SNX29: variants seen among roughly 807,000 people sequenced by gnomAD.
SNX29 encodes sorting nexin-29.
In SNX29, 78 loss-of-function variants were observed where a neutral mutation model predicts 102.1. That is an observed-to-expected ratio of 0.76 (90% confidence interval 0.64 to 0.92). The LOEUF (loss-of-function observed/expected upper bound fraction) is 0.92. Among genes scored for constraint, SNX29 ranks in the 40% least tolerant of loss-of-function variants. The probability of loss-of-function intolerance (pLI) is 0.00; values close to 1 mark genes in which losing one functional copy is unlikely to be tolerated. For synonymous variants in SNX29, 580 were observed against 414.5 expected, an observed-to-expected ratio of 1.40 and a Z score of -4.85; for missense variants, 1,280 against 1,061.7, an observed-to-expected ratio of 1.21 and a Z score of -2.86.
At chr16:12,171,361 TAG>T (rs2076146000) in intron 13 of SNX29, among the ~76,000 whole-genome samples, 3 of 152,188 alleles carry the variant, frequency 2.0e-5, no homozygotes, top group Non-Finnish European at 4.4e-5. Context: ...CACGCACAGT[TAG>T]TCCCATCTTT....
intron 14 of SNX29, among the ~76,000 whole-genome samples, chr16:12,207,182 A>C (rs2077066126): frequency 1.3e-5 from 2 of 152,110 alleles, no homozygotes; most frequent in African/African-American, 2.4e-5. Context: ...CAGCCAGACC[A>C]ACATGGTGAA....
chr16:12,455,119 G>C (rs1334475743), intron 18 of SNX29, among the ~76,000 whole-genome samples: 1 of 152,190 alleles, frequency 6.6e-6, no homozygotes, highest in Non-Finnish European at 1.5e-5. Flanking sequence ...TAGGAGGCAA[G>C]ATAGCTGGTT....
chr16:12,516,547 CT>C (rs1023635143), intron 19 of SNX29, among the ~76,000 whole-genome samples: 3 of 151,552 alleles, frequency 2.0e-5, no homozygotes, highest in Non-Finnish European at 4.4e-5. Flanking sequence ...TGCTGGAGTC[CT>C]TAGTAGTCTA....
intron 14 of SNX29, among the ~76,000 whole-genome samples, chr16:12,207,177 A>G (rs2077066019): frequency 6.6e-6 from 1 of 152,010 alleles, no homozygotes; most frequent in Non-Finnish European, 1.5e-5. Context: ...AAAACCAGCC[A>G]GACCAACATG....
intron 20 of SNX29, among the ~76,000 whole-genome samples, chr16:12,530,600 G>C (rs2141170919): frequency 1.3e-5 from 2 of 151,694 alleles, no homozygotes; most frequent in Admixed American, 1.3e-4. Flanking sequence ...TTGTCGCCCA[G>C]GCTAGAGTGC....
intron 16 of SNX29, among the ~76,000 whole-genome samples, chr16:12,371,538 G>T (rs951692378): frequency 2.6e-5 from 4 of 152,122 alleles, no homozygotes; most frequent in African/African-American, 9.7e-5. Context: ...GAACTTCTGG[G>T]CTCAAGCAAT....
At chr16:12,345,624 T>C (rs771778023) in intron 15 of SNX29, among the ~76,000 whole-genome samples, 1 of 152,186 alleles carries the variant, frequency 6.6e-6, no homozygotes, top group African/African-American at 2.4e-5. Flanking sequence ...TACTGGGGGA[T>C]GATCTGTGGA....
rs544754265 is a variant in SNX29, at chr16:12,038,407, C to T, written c.248-4490C>T. 3.9e-5 allele frequency among the ~76,000 whole-genome samples: 6 copies of T among 152,306 alleles called. No individual in the cohort carries two copies. The East Asian group carries it at 1.2e-3, about 29-fold the overall frequency. ...TGTTAACAGGTGCCCCGGGGCAGCT[C>T]TTCTCAACACCCCTTCCTGGCACTT... is the stretch of plus-strand genomic sequence containing the variant. On this transcript the variant is annotated intron_variant, in intron 4 of 20. Coordinates refer to ENST00000566228, the MANE Select transcript of SNX29 (RefSeq NM_032167.5).
At chr16:12,077,377 C>T (rs2051627710) in intron 10 of SNX29, among the ~76,000 whole-genome samples, 3 of 146,254 alleles carry the variant, frequency 2.1e-5, no homozygotes, top group Admixed American at 7.0e-5. Flanking sequence ...TACTTTTCCT[C>T]CTAGTCATGG....
At chr16:12,015,729 G>T (rs1176005762) in intron 3 of SNX29, among the ~76,000 whole-genome samples, 1 of 146,624 alleles carries the variant, frequency 6.8e-6, no homozygotes, top group Non-Finnish European at 1.5e-5. Flanking sequence ...TAGAGATAGG[G>T]TTTCACCGTG....
intron 11 of SNX29, among the ~76,000 whole-genome samples, chr16:12,124,958 C>T (rs2054140218): frequency 6.6e-6 from 1 of 152,152 alleles, no homozygotes; most frequent in Non-Finnish European, 1.5e-5. Context: ...GAAATGTGAG[C>T]TGTGGCAGGT....
At chr16:12,350,643 G>A (rs187156611) in intron 15 of SNX29, among the ~76,000 whole-genome samples, 10 of 152,256 alleles carry the variant, frequency 6.6e-5, no homozygotes, top group African/African-American at 1.9e-4. Flanking sequence ...CAACGTCCCC[G>A]TTTTACAAAT....
chr16:12,466,567 G>T (rs9924866), intron 18 of SNX29, among the ~76,000 whole-genome samples: 1 of 152,156 alleles, frequency 6.6e-6, no homozygotes, highest in African/African-American at 2.4e-5. Context: ...TCTTCAGAGC[G>T]TCTTTGAAAG....
intron 11 of SNX29, among the ~76,000 whole-genome samples, chr16:12,082,361 C>G (rs1030657494): frequency 6.6e-6 from 1 of 152,188 alleles, no homozygotes; most frequent in Non-Finnish European, 1.5e-5. Flanking sequence ...CCCAGCATCT[C>G]AGATAAACAC....
chr16:12,111,361 C>T (rs1009670079), intron 11 of SNX29, among the ~76,000 whole-genome samples: 2 of 152,232 alleles, frequency 1.3e-5, no homozygotes, highest in Non-Finnish European at 2.9e-5. Context: ...GATGTGACCC[C>T]TGCTGCCCTT....
At chr16:12,397,548 C>A (rs2083764946) in intron 16 of SNX29, among the ~76,000 whole-genome samples, 1 of 152,112 alleles carries the variant, frequency 6.6e-6, no homozygotes, top group Admixed American at 6.5e-5. Context: ...CACTTCACTA[C>A]CCCTCACCCT....
intron 20 of SNX29, among the ~76,000 whole-genome samples, chr16:12,563,261 A>G (rs1331921224): frequency 6.6e-6 from 1 of 152,172 alleles, no homozygotes; most frequent in Non-Finnish European, 1.5e-5. Flanking sequence ...CCGCCCAGGT[A>G]GCAGAGGAAC....
chr16:12,445,576 A>G (rs1004564518), intron 18 of SNX29, among the ~76,000 whole-genome samples: 4 of 152,248 alleles, frequency 2.6e-5, no homozygotes, highest in African/African-American at 9.6e-5. Context: ...AGAATGAAAT[A>G]AACATGAAAT....
At chr16:12,059,059 G>C (rs1314916034) in intron 8 of SNX29, among the ~76,000 whole-genome samples, 1 of 152,068 alleles carries the variant, frequency 6.6e-6, no homozygotes, top group Admixed American at 6.6e-5. Context: ...GTGAGCCACT[G>C]GCCTGGCCAG....
Sources: allele counts gnomAD v4.1 joint callset (sites outside exome capture counted in the v4.1 genomes callset), GRCh38; gene constraint gnomAD v4.1.1; transcripts MANE v1.5; gene names NCBI Gene and HGNC (gene_info 2026-07-23, HGNC 2026-07-21).